The following ELMO1 variants were observed in gnomAD, a reference collection of about 807,000 sequenced individuals.
ELMO1 encodes the protein engulfment and cell motility 1, also known as engulfment and cell motility protein 1.
ELMO1 carries 26 observed loss-of-function variants against 98.9 expected under a neutral mutation model. The ratio of observed to expected loss-of-function variants is 0.26; its 90% confidence interval spans 0.19 to 0.36. The LOEUF is 0.36. Among genes scored for constraint, ELMO1 ranks in the 10% least tolerant of loss-of-function variants. The pLI is 1.00. For synonymous variants in ELMO1, 346 were observed against 346.0 expected (o/e 1.00, Z 0.00); for missense variants, 627 against 935.2 (o/e 0.67, Z 4.30).
At chr7:36,946,144 G>T (rs575569890) in intron 16 of ELMO1, among the ~76,000 whole-genome samples, 15 of 152,370 alleles carry the variant, frequency 9.8e-5, no homozygotes, top group African/African-American at 3.1e-4. Flanking sequence ...CACTTGGGCA[G>T]CCCTGCTGCC....
At chr7:37,277,094 T>C (rs75119561) in intron 4 of ELMO1, among the ~76,000 whole-genome samples, 7,257 of 152,318 alleles carry the variant, frequency 0.048, 232 homozygotes, top group Middle Eastern at 0.068. Flanking sequence ...AAAAACTATC[T>C]GTTGAATAAA....
intron 15 of ELMO1, among the ~76,000 whole-genome samples, chr7:37,069,465 T>A (rs1326688316): frequency 6.6e-6 from 1 of 152,152 alleles, no homozygotes; most frequent in Non-Finnish European, 1.5e-5. Flanking sequence ...GAACCAGAGT[T>A]ACTAAAATCA....
rs753299603 is a variant in ELMO1, at chr7:36,870,970, T to C, written c.1823-495A>G. Among the ~76,000 whole-genome samples the C allele has an allele frequency of 3.3e-5, 5 of 152,184 alleles. No individual in the cohort carries two copies. Among genetic ancestry groups the C allele is most frequent in the Admixed American group, 1.3e-4 (2 of 15,280 alleles). On this transcript the variant is annotated intron_variant, in intron 19 of 21. Transcript: ENST00000310758. This position sits in a 1 kb window ranked among gnomAD's most constrained non-coding sequence, Gnocchi z 4.4. ...GAGAAAGCAGCCCTATCTCAAAAAA[T>C]TTATCCAACTCTAAACAGTTCTGAA...
chr7:37,174,308 G>A (rs944316618), intron 13 of ELMO1, among the ~76,000 whole-genome samples: 4 of 152,100 alleles, frequency 2.6e-5, no homozygotes, highest in Non-Finnish European at 4.4e-5. Context: ...ACTCATTCAC[G>A]GAGGCAAACC....
In ELMO1 at chr7:37,259,133, G is replaced by T. The variant is rs115124310; in HGVS notation, c.413+48C>A. 16 of 1,556,816 alleles carry T rather than the reference G, an allele frequency of 1.0e-5. No homozygotes were observed. The Middle Eastern group carries it at 8.8e-4, about 86-fold the overall frequency. ...TAAGGCATGTAACAATATTCAAAACGCGGAGACACGCAGGACAGCTGTGGA... is the reference window on the plus strand; with the variant it reads ...TAAGGCATGTAACAATATTCAAAACTCGGAGACACGCAGGACAGCTGTGGA... On this transcript the variant is annotated intron_variant, in intron 6 of 21. Coordinates refer to ENST00000310758, the MANE Select transcript of ELMO1 (RefSeq NM_014800.11).
chr7:37,196,816 G>A (rs552001205), intron 13 of ELMO1, among the ~76,000 whole-genome samples: 1 of 152,302 alleles, frequency 6.6e-6, no homozygotes, highest in Admixed American at 6.5e-5. Context: ...CTCTAAAATA[G>A]ACATAATAAT....
At chr7:37,332,592 TGAG>T (rs1167554461) in intron 2 of ELMO1, among the ~76,000 whole-genome samples, 2 of 152,216 alleles carry the variant, frequency 1.3e-5, no homozygotes, top group African/African-American at 4.8e-5. Context: ...TGCAGAGAAC[TGAG>T]GAGGATAATT....
rs572758538 is a variant in ELMO1 at position 37,030,094 on chromosome 7, G to A, written c.1301-16659C>T. The stretch of plus-strand genomic sequence containing the variant: ...CTACTTTCCTCTCCAGCTTCTTGGC[G>A]GCCATCTTTCTCTCTCTCTCTTTTT... On this transcript the variant is annotated intron_variant, in intron 15 of 21. Coordinates refer to ENST00000310758, the MANE Select transcript of ELMO1 (RefSeq NM_014800.11). Among the ~76,000 whole-genome samples, 67 of 152,114 alleles carry A rather than the reference G, an allele frequency of 4.4e-4. No individual in the cohort carries two copies. The South Asian group carries it at 0.013, about 29-fold the overall frequency.
At chr7:36,915,844 G>A (rs188908849) in intron 16 of ELMO1, among the ~76,000 whole-genome samples, 37 of 152,230 alleles carry the variant, frequency 2.4e-4, no homozygotes, top group Admixed American at 1.3e-4. Context: ...AAGCATCAAC[G>A]TGATGCCCAG....
At chr7:37,133,518 A>G (rs1184188573) in intron 13 of ELMO1, among the ~76,000 whole-genome samples, 1 of 152,204 alleles carries the variant, frequency 6.6e-6, no homozygotes, top group Admixed American at 6.5e-5. Flanking sequence ...TGTGAGAAAA[A>G]GAAAATGATG....
chr7:36,874,550 GAC>G (rs560183520), intron 19 of ELMO1, among the ~76,000 whole-genome samples: 43 of 152,306 alleles, frequency 2.8e-4, no homozygotes, highest in Non-Finnish European at 4.6e-4. Flanking sequence ...TAGATGGAGA[GAC>G]CTGAATTATT....
At chr7:37,227,989 T>C (rs1372732608) in intron 8 of ELMO1, among the ~76,000 whole-genome samples, 1 of 152,246 alleles carries the variant, frequency 6.6e-6, no homozygotes, top group Admixed American at 6.5e-5. Context: ...CTAAAGCATG[T>C]TACATAATGA....
chr7:37,130,342 C>A (rs903214231), intron 14 of ELMO1, among the ~76,000 whole-genome samples: 3 of 152,238 alleles, frequency 2.0e-5, no homozygotes, highest in African/African-American at 7.2e-5. Flanking sequence ...AGGAAATGTG[C>A]AGCCTGAGGG....
At chr7:37,181,132 G>A (rs1790837828) in intron 13 of ELMO1, among the ~76,000 whole-genome samples, 1 of 152,148 alleles carries the variant, frequency 6.6e-6, no homozygotes, top group African/African-American at 2.4e-5. Flanking sequence ...ACAGTCCCAA[G>A]AGACTCTCCA....
intron 1 of ELMO1, among the ~76,000 whole-genome samples, chr7:37,437,516 C>A (rs1805199206): frequency 6.6e-6 from 1 of 152,092 alleles, no homozygotes; most frequent in African/African-American, 2.4e-5. Flanking sequence ...TTTTAATTAA[C>A]AAATAGTAAT....
At chr7:37,105,475 G>A in intron 14 of ELMO1, among the ~76,000 whole-genome samples, 1 of 152,180 alleles carries the variant, frequency 6.6e-6, no homozygotes, top group East Asian at 1.9e-4. Flanking sequence ...TTTATTTAAA[G>A]CAATAGTTCT....
At chr7:37,230,617 G>C (rs1359860099) in intron 8 of ELMO1, among the ~76,000 whole-genome samples, 1 of 152,176 alleles carries the variant, frequency 6.6e-6, no homozygotes, top group African/African-American at 2.4e-5. Flanking sequence ...GTTGGTGAAA[G>C]TAGAACATAA....
intron 15 of ELMO1, among the ~76,000 whole-genome samples, chr7:37,035,172 C>T (rs992276899): frequency 6.6e-6 from 1 of 152,146 alleles, no homozygotes; most frequent in Non-Finnish European, 1.5e-5. Context: ...TAATGATTTT[C>T]TTAATGGCGG....
intron 16 of ELMO1, among the ~76,000 whole-genome samples, chr7:36,932,048 G>A (rs1786092116): frequency 6.6e-6 from 1 of 152,046 alleles, no homozygotes; most frequent in Non-Finnish European, 1.5e-5. Context: ...GGTGTAAGAT[G>A]ATCTGCTCTT....
Sources: gnomAD v4.1 joint callset for allele counts (sites outside exome capture counted in the v4.1 genomes callset) on GRCh38, gnomAD v4.1.1 for gene constraint, Gnocchi (gnomAD v3.1) non-coding constraint, MANE v1.5 for transcripts, NCBI Gene and HGNC (gene_info 2026-07-23, HGNC 2026-07-21) for gene names.